TTL: variants seen among roughly 807,000 people sequenced by gnomAD.
The protein encoded by TTL is tubulin--tyrosine ligase.
A neutral mutation model predicts 41.1 loss-of-function variants in TTL; 10 were observed. That is an observed-to-expected ratio of 0.24 (90% CI 0.15 to 0.41). The LOEUF (loss-of-function observed/expected upper bound fraction) is 0.41, where lower values mean the gene tolerates loss of function less well. Among genes scored for constraint, TTL ranks in the 10% least tolerant of loss-of-function variants. The pLI is 1.00. For missense variants in TTL, 367 were observed against 460.4 expected, an observed-to-expected ratio of 0.80 and a Z score of 1.86; for synonymous variants, 175 against 175.5, an observed-to-expected ratio of 1.00 and a Z score of 0.02.
intron 3 of TTL, among the ~76,000 whole-genome samples, chr2:112,497,549 T>A (rs1331819831): frequency 6.6e-6 from 1 of 152,120 alleles, no homozygotes; most frequent in Non-Finnish European, 1.5e-5. Flanking sequence ...ATTTATTTTA[T>A]AATTTTTGAT....
chr2:112,482,762 A>G lies in TTL; in HGVS notation c.157+261A>G, dbSNP rs2104442547. On this transcript the variant is annotated intron_variant, in intron 1 of 6. Transcript: ENST00000233336. The surrounding 1 kb of genome is among the most constrained non-coding windows in gnomAD (Gnocchi z 5.3). ...CCTCCCGACGGTGACCGGTCCCTGCAGCCCGGGAGACGCTGGCCGCCGGGG... is the reference window on the plus strand; with the variant it reads ...CCTCCCGACGGTGACCGGTCCCTGCGGCCCGGGAGACGCTGGCCGCCGGGG... Among the ~76,000 whole-genome samples the G allele has an allele frequency of 6.6e-6, 1 of 152,132 alleles. No individual in the cohort carries two copies. Among genetic ancestry groups the G allele is most frequent in the Non-Finnish European group, 1.5e-5 (1 of 67,970 alleles).
chr2:112,512,072 G>A (rs1304937870), intron 5 of TTL, among the ~76,000 whole-genome samples: 1 of 151,640 alleles, frequency 6.6e-6, no homozygotes. Flanking sequence ...GTTGGGTTTT[G>A]TATTTGTATT....
At chr2:112,502,322 TCATAGG>T (rs938302153) in intron 4 of TTL, among the ~76,000 whole-genome samples, 16 of 152,152 alleles carry the variant, frequency 1.1e-4, no homozygotes, top group Non-Finnish European at 2.9e-5. Flanking sequence ...AATGGAGGTT[TCATAGG>T]TTAACCTTAA....
At position 112,485,976 on chromosome 2, in the gene TTL, C is replaced by T; in HGVS notation, c.217C>T (p.Arg73Cys). ...CTACAGGGGTGCTGACAAACTGTGT[C>T]GCAAAGCTTCTTTAGTGAAGTAAGT... ...NYYRGADKLC[R>C]KASLVKLIKT... Residue 73 changes from arginine to cysteine, a missense_variant, in exon 2 of 7, where the codon CGC becomes TGC. Coordinates refer to ENST00000233336, the MANE Select transcript of TTL (RefSeq NM_153712.5). 2 of 1,614,138 alleles carry T rather than the reference C, an allele frequency of 1.2e-6. No homozygotes were observed. Among genetic ancestry groups the T allele is most frequent in the East Asian group, 4.5e-5 (2 of 44,888 alleles).
intron 5 of TTL, 109 bp downstream of exon 5, chr2:112,503,290 A>T (rs1287437920): frequency 3.3e-6 from 3 of 921,602 alleles, no homozygotes; most frequent in East Asian, 5.3e-5. Context: ...ATGGTCAAAA[A>T]TTTTTTGTAA....
chr2:112,496,569 A>G (rs11123137), intron 3 of TTL, among the ~76,000 whole-genome samples: 62,312 of 151,636 alleles, frequency 0.41, 13,053 homozygotes, highest in East Asian at 0.58. Flanking sequence ...CAACCCCATT[A>G]TTCCACTATT....
In TTL at chr2:112,528,955, A is replaced by G. The variant is rs775047273; in HGVS notation, c.*160A>G. 1.1e-5 allele frequency: 7 copies of G among 647,550 alleles called. No individual in the cohort carries two copies. Among genetic ancestry groups the G allele is most frequent in the African/African-American group, 1.8e-5 (1 of 54,904 alleles). The allele number at this position is 647,550 out of a possible 1,614,324, so 40.1% of individuals were successfully genotyped here. A position where few individuals can be genotyped will look rare whatever the true frequency, so the allele number is the denominator to read the frequency against. Reference sequence around the variant, plus strand: ...CACGTGAGCAGAGGAGGCAGCTCCCAAAGAGAGGGCTGCTCAGGGGGCTTC... The same window carrying G: ...CACGTGAGCAGAGGAGGCAGCTCCCGAAGAGAGGGCTGCTCAGGGGGCTTC... On this transcript the variant is annotated 3_prime_UTR_variant, in exon 7 of 7. Coordinates refer to ENST00000233336, the MANE Select transcript of TTL (RefSeq NM_153712.5).
intron 6 of TTL, among the ~76,000 whole-genome samples, chr2:112,524,213 G>A (rs1682318574): frequency 1.3e-5 from 2 of 152,136 alleles, no homozygotes; most frequent in South Asian, 4.1e-4. Context: ...ATTTGGGTTG[G>A]TTCCAAGTCT....
rs747858001 is a variant in TTL at position 112,494,329 on chromosome 2, T to C, written c.423T>C (p.Asp141=). 2 of 1,614,038 alleles carry C rather than the reference T, an allele frequency of 1.2e-6. No homozygotes were observed. The highest frequency in any genetic ancestry group is 4.5e-5 in the East Asian group (2 of 44,894). The part of the protein sequence containing the change: ...FLASYNRKKE[D]GEGNVWIAKS... ...CCTCTTATAACAGAAAGAAAGAGGA[T>C]GGAGAGGGCAACGTTTGGATTGCAA... The change falls in exon 3 of 7, where the codon GAT becomes GAC. Residue 141 remains aspartate (D), a synonymous_variant. Coordinates refer to ENST00000233336, the MANE Select transcript of TTL (RefSeq NM_153712.5).
At position 112,540,679 on chromosome 2, in the gene TTL, T is replaced by C. The variant is rs1682705326; in HGVS notation, c.*11884T>C. 1 of 152,212 alleles carries C rather than the reference T, an allele frequency of 6.6e-6. No individual in the cohort carries two copies. The allele number at this position is 152,212 out of a possible 1,614,324, so 9.4% of individuals were successfully genotyped here. On this transcript the variant is annotated 3_prime_UTR_variant, in exon 7 of 7. Transcript: ENST00000233336. ...GAACTGAGAGTCAAAAATAAACCCT[T>C]GCATCTATAGTGAACTGATTTTCGA...
intron 3 of TTL, 134 bp from the exon 4 acceptor site, chr2:112,501,072 G>T (rs1031260691): frequency 2.5e-5 from 19 of 757,656 alleles, no homozygotes; most frequent in Non-Finnish European, 3.6e-5. Flanking sequence ...CTGGAGTAAG[G>T]AAGGGAGGGA....
intron 5 of TTL, among the ~76,000 whole-genome samples, chr2:112,518,453 G>C (rs1228462741): frequency 6.6e-6 from 1 of 151,648 alleles, no homozygotes; most frequent in Non-Finnish European, 1.5e-5. Flanking sequence ...AGCCAAAATA[G>C]TTTTTAAAGG....
chr2:112,523,337 G>GGTGTGTGTGT (rs1298723408), intron 6 of TTL, among the ~76,000 whole-genome samples: 2 of 93,350 alleles, frequency 2.1e-5, no homozygotes, highest in African/African-American at 8.6e-5. Flanking sequence ...ACTGTCTGTG[G>GGTGTGTGTGT]GTGTGTGTGT....
At position 112,535,771 on chromosome 2, in the gene TTL, A is replaced by G. The variant is rs115584716; in HGVS notation, c.*6976A>G. The G allele has an allele frequency of 2.6e-3, 402 of 152,170 alleles. 1 individual carries two copies. Among genetic ancestry groups the G allele is most frequent in the African/African-American group, 9.3e-3 (385 of 41,514 alleles). 9.4% of individuals were successfully genotyped at this position (152,170 alleles called of 1,614,324 possible). A position where few individuals can be genotyped will look rare whatever the true frequency, so the allele number is the denominator to read the frequency against. Reference sequence around the variant, plus strand: ...TTTTTTTAAAAATCATGATCCAACTATATGCTATCTACAAAAAACACACTT... The same window carrying G: ...TTTTTTTAAAAATCATGATCCAACTGTATGCTATCTACAAAAAACACACTT... On this transcript the variant is annotated 3_prime_UTR_variant, in exon 7 of 7. Coordinates refer to ENST00000233336, the MANE Select transcript of TTL (RefSeq NM_153712.5).
Position 112,539,011 on chromosome 2 carries a change from G to A in TTL, c.*10216G>A, listed in dbSNP as rs894614476. 2.7e-4 allele frequency: 41 copies of A among 151,718 alleles called. No homozygotes were observed. The highest frequency in any genetic ancestry group is 6.8e-4 in the African/African-American group (28 of 41,206). 9.4% of individuals were successfully genotyped at this position (151,718 alleles called of 1,614,324 possible). A position where few individuals can be genotyped will look rare whatever the true frequency, so the allele number is the denominator to read the frequency against. On this transcript the variant is annotated 3_prime_UTR_variant, in exon 7 of 7. Transcript: ENST00000233336. ...AGGCGCCTGTAATCCCAGCTACTCA[G>A]GAGGCTGAAGCAGGGGAATCACTTG...
intron 2 of TTL, among the ~76,000 whole-genome samples, chr2:112,488,587 A>C (rs1407831658): frequency 6.6e-6 from 1 of 151,606 alleles, no homozygotes; most frequent in Non-Finnish European, 1.5e-5. Context: ...GTAAAACCCC[A>C]TGTCTACTAA....
At chr2:112,495,819 G>A (rs1324690496) in intron 3 of TTL, among the ~76,000 whole-genome samples, 1 of 151,826 alleles carries the variant, frequency 6.6e-6, no homozygotes, top group Admixed American at 6.6e-5. Flanking sequence ...CAGCCTGGGT[G>A]ACAGAACAAG....
chr2:112,517,373 G>T (rs1323562524), intron 5 of TTL, among the ~76,000 whole-genome samples: 1 of 151,528 alleles, frequency 6.6e-6, no homozygotes, highest in Non-Finnish European at 1.5e-5. Context: ...TTAGCCTCCC[G>T]ACTAGCTGGG....
In TTL at chr2:112,529,730, C is replaced by G. The variant is rs1045612465; in HGVS notation, c.*935C>G. On this transcript the variant is annotated 3_prime_UTR_variant, in exon 7 of 7. Transcript: ENST00000233336. ...GCCCCAGACAAAGGTTGCTTTCCCC[C>G]TTTTTGTTCTTTTTATGCCCCCAAG... is the stretch of plus-strand genomic sequence containing the variant. 5 of 221,838 alleles carry G rather than the reference C, an allele frequency of 2.3e-5. No individual in the cohort carries two copies. Among genetic ancestry groups the G allele is most frequent in the South Asian group, 1.8e-4 (1 of 5,426 alleles). 13.7% of individuals were successfully genotyped at this position (221,838 alleles called of 1,614,324 possible).
Sources: allele counts gnomAD v4.1 joint callset (sites outside exome capture counted in the v4.1 genomes callset), GRCh38; gene constraint gnomAD v4.1.1; non-coding constraint Gnocchi (gnomAD v3.1); transcripts MANE v1.5; gene names NCBI Gene and HGNC (gene_info 2026-07-23, HGNC 2026-07-21).